The following AK5 variants were observed in gnomAD, a reference collection of about 807,000 sequenced individuals.
AK5 encodes adenylate kinase 5.
AK5 carries 27 observed loss-of-function variants against 69.5 expected under a neutral mutation model. The observed-to-expected ratio is 0.39, with a 90% CI of 0.29 to 0.54. The LOEUF (loss-of-function observed/expected upper bound fraction) is 0.54, where lower values mean the gene tolerates loss of function less well. AK5 is among the 20% of genes least tolerant of loss of function. The pLI, the probability that AK5 is intolerant of heterozygous loss-of-function variation, is 0.71. For missense variants in AK5, 531 were observed against 700.4 expected, an observed-to-expected ratio of 0.76 and a Z score of 2.73; for synonymous variants, 260 against 244.4, an observed-to-expected ratio of 1.06 and a Z score of -0.60.
chr1:77,464,926 C>A (rs1035483396), intron 8 of AK5, among the ~76,000 whole-genome samples: 3 of 152,102 alleles, frequency 2.0e-5, no homozygotes, highest in Admixed American at 6.5e-5. Flanking sequence ...ATATCCAGTA[C>A]CTTTTATCTA....
At chr1:77,533,509 CAAA>C (rs10526328) in intron 12 of AK5, among the ~76,000 whole-genome samples, 74 of 94,932 alleles carry the variant, frequency 7.8e-4, no homozygotes, top group African/African-American at 3.5e-3. Context: ...ACTCTGTCAC[CAAA>C]AAAAAAAAAA....
At chr1:77,283,033 C>A in intron 1 of AK5, 1 of 985,654 alleles carries the variant, frequency 1.0e-6, no homozygotes, top group African/African-American at 1.7e-5. Context: ...GACAACCCAC[C>A]TGGAGATAGC....
rs547142939 is a variant in AK5, at chr1:77,501,193, C to T, written c.1147+14841C>T. 5.9e-5 allele frequency among the ~76,000 whole-genome samples: 9 copies of T among 152,330 alleles called. No individual in the cohort carries two copies. In the South Asian group the frequency reaches 1.7e-3, roughly 28 times the overall value. ...ATCACAGCAGTAGGGCTATGCCCCT[C>T]GTAGCCCAGGAACGGGAAGGAGATG... On this transcript the variant is annotated intron_variant, in intron 10 of 13. Transcript: ENST00000354567.
chr1:77,306,832 C>G (rs1198898347), intron 5 of AK5, among the ~76,000 whole-genome samples: 1 of 152,036 alleles, frequency 6.6e-6, no homozygotes, highest in Non-Finnish European at 1.5e-5. Context: ...TGGCATGCAT[C>G]TCAGAATTTG....
At chr1:77,424,355 AG>A (rs778771403) in intron 8 of AK5, among the ~76,000 whole-genome samples, 18 of 152,184 alleles carry the variant, frequency 1.2e-4, no homozygotes, top group Non-Finnish European at 1.9e-4. Flanking sequence ...TGAGCTCCTC[AG>A]CTCAAGCAAT....
chr1:77,533,119 A>G (rs576939731), intron 12 of AK5, among the ~76,000 whole-genome samples: 3 of 152,298 alleles, frequency 2.0e-5, no homozygotes, highest in African/African-American at 7.2e-5. Context: ...TCCAGGAGAG[A>G]GAGGTTAGGT....
chr1:77,558,683 A>ATGTT lies in AK5; in HGVS notation c.*18_*21dup, dbSNP rs200727498. On this transcript the variant is annotated 3_prime_UTR_variant, in exon 14 of 14. Coordinates refer to ENST00000354567, the MANE Select transcript of AK5 (RefSeq NM_174858.3). ...CTCTATTTTCTGAAGGCAAAAATGC[A>ATGTT]TGTTTGTTAGAATGGAAACAGAAAA... 7 of 1,526,824 alleles carry ATGTT rather than the reference A, an allele frequency of 4.6e-6. No individual in the cohort carries two copies. Among genetic ancestry groups the ATGTT allele is most frequent in the Middle Eastern group, 1.7e-4 (1 of 5,902 alleles). The allele number at this position is 1,526,824 out of a possible 1,614,324, so 94.6% of individuals were successfully genotyped here.
chr1:77,475,193 ATATGTGTG>A lies in AK5; in HGVS notation c.1060-8122_1060-8115del, dbSNP rs1473774336. ...TATATATATATATATATATATATAT[ATATGTGTG>A]TGTGTGTGTGTGTATTCTATATACT... is the stretch of plus-strand genomic sequence containing the variant. On this transcript the variant is annotated intron_variant, in intron 8 of 13. Coordinates refer to ENST00000354567, the MANE Select transcript of AK5 (RefSeq NM_174858.3). Among the ~76,000 whole-genome samples the A allele has an allele frequency of 9.7e-4, 10 of 10,288 alleles. No individual in the cohort carries two copies. In the South Asian group the frequency reaches 0.014, roughly 14 times the overall value. The allele number at this position is 10,288 out of a possible 152,430, so 6.7% of individuals were successfully genotyped here. A position where few individuals can be genotyped will look rare whatever the true frequency, so the allele number is the denominator to read the frequency against.
chr1:77,366,616 C>T (rs1224281589), intron 6 of AK5, among the ~76,000 whole-genome samples: 1 of 152,118 alleles, frequency 6.6e-6, no homozygotes, highest in African/African-American at 2.4e-5. Context: ...CAGTGAGCAC[C>T]AAAGTGTATG....
At chr1:77,471,866 C>T (rs1654530164) in intron 8 of AK5, among the ~76,000 whole-genome samples, 1 of 152,178 alleles carries the variant, frequency 6.6e-6, no homozygotes, top group South Asian at 2.1e-4. Flanking sequence ...GAGCATTGAA[C>T]ATTGTCGGCC....
intron 6 of AK5, among the ~76,000 whole-genome samples, chr1:77,388,436 A>G (rs924667016): frequency 1.3e-5 from 2 of 152,188 alleles, no homozygotes; most frequent in African/African-American, 4.8e-5. Flanking sequence ...TTATCTCTGA[A>G]TTATCATCAC....
At chr1:77,355,306 A>G (rs537863445) in intron 6 of AK5, among the ~76,000 whole-genome samples, 2 of 152,370 alleles carry the variant, frequency 1.3e-5, no homozygotes, top group East Asian at 1.9e-4. Context: ...GAAATCTGAT[A>G]TTAAAAATAT....
chr1:77,387,148 T>C (rs187577011), intron 6 of AK5, among the ~76,000 whole-genome samples: 34 of 152,314 alleles, frequency 2.2e-4, no homozygotes, highest in African/African-American at 7.5e-4. Context: ...GTGCTGCACC[T>C]GAATGTTTTT....
intron 6 of AK5, among the ~76,000 whole-genome samples, chr1:77,408,660 T>C (rs1649821432): frequency 6.6e-6 from 1 of 152,164 alleles, no homozygotes; most frequent in African/African-American, 2.4e-5. Flanking sequence ...TTTTTAAAAC[T>C]TATAATCTGC....
At chr1:77,508,240 T>C (rs542536219) in intron 10 of AK5, among the ~76,000 whole-genome samples, 2 of 152,324 alleles carry the variant, frequency 1.3e-5, no homozygotes, top group African/African-American at 4.8e-5. Context: ...CATCCATCAG[T>C]ACATCTCTTT....
At chr1:77,499,870 A>ATTTTTTTTTTTT (rs1178365313) in intron 10 of AK5, among the ~76,000 whole-genome samples, 1 of 50,452 alleles carries the variant, frequency 2.0e-5, no homozygotes, top group South Asian at 6.6e-4. Context: ...CCCTTTTTCC[A>ATTTTTTTTTTTT]TTTTTTTTTT....
chr1:77,461,927 T>C (rs1653866951), intron 8 of AK5, among the ~76,000 whole-genome samples: 1 of 152,208 alleles, frequency 6.6e-6, no homozygotes, highest in Non-Finnish European at 1.5e-5. Context: ...ATTAGCTAGG[T>C]TTAGCCATTT....
chr1:77,518,214 A>G (rs1355504117), intron 10 of AK5, among the ~76,000 whole-genome samples: 1 of 152,222 alleles, frequency 6.6e-6, no homozygotes, highest in Non-Finnish European at 1.5e-5. Context: ...CATCTCTACC[A>G]AAACGGAGCC....
intron 6 of AK5, among the ~76,000 whole-genome samples, chr1:77,345,643 T>A (rs537521302): frequency 6.6e-6 from 1 of 152,356 alleles, no homozygotes; most frequent in African/African-American, 2.4e-5. Context: ...GGGAAACGAT[T>A]GACATAGAGA....
Sources: allele counts gnomAD v4.1 joint callset (sites outside exome capture counted in the v4.1 genomes callset), GRCh38; gene constraint gnomAD v4.1.1; transcripts MANE v1.5; gene names NCBI Gene and HGNC (gene_info 2026-07-23, HGNC 2026-07-21).